The following IGSF3 variants were observed in gnomAD, a reference collection of about 807,000 sequenced individuals.
IGSF3 encodes the protein immunoglobulin superfamily member 3, also known as glu-Trp-Ile EWI motif-containing protein 3.
In IGSF3, 23 loss-of-function variants were observed where a neutral mutation model predicts 114.4. That is an observed-to-expected ratio of 0.20 (90% CI 0.14 to 0.28). The LOEUF is 0.28. Ranked by LOEUF, IGSF3 falls within the 10% of genes least tolerant of loss-of-function variation. The pLI is 1.00. For synonymous variants in IGSF3, 571 were observed against 645.2 expected (o/e 0.88, Z 1.74); for missense variants, 1,172 against 1,591.5 (o/e 0.74, Z 4.48).
At chr1:116,643,439 G>A (rs1223356705) in intron 2 of IGSF3, among the ~76,000 whole-genome samples, 17 of 152,332 alleles carry the variant, frequency 1.1e-4, no homozygotes, top group South Asian at 6.2e-4. Flanking sequence ...TCCGACAGTC[G>A]TTTGTGTCTG....
rs1660331017 is a variant in IGSF3 at position 116,596,129 on chromosome 1, C to T, written c.2029+3812G>A. Among the ~76,000 whole-genome samples, 1 of 152,188 alleles carries T rather than the reference C, an allele frequency of 6.6e-6. No individual in the cohort carries two copies. The highest frequency in any genetic ancestry group is 1.5e-5 in the Non-Finnish European group (1 of 68,036). On this transcript the variant is annotated intron_variant, in intron 7 of 10. Transcript: ENST00000369486. The surrounding 1 kb of genome is among the most constrained non-coding windows in gnomAD (Gnocchi z 4.1). The stretch of plus-strand genomic sequence containing the variant: ...AATACTGATATGGGGGCAGGATCAG[C>T]AGGTGGCTCCAGCAGGGACGAGTCT...
chr1:116,590,546 C>T (rs542962683), intron 7 of IGSF3, among the ~76,000 whole-genome samples: 2 of 152,306 alleles, frequency 1.3e-5, no homozygotes, highest in South Asian at 2.1e-4. Context: ...GGGACAGCAA[C>T]CTAGGCCTCC....
chr1:116,576,341 GAC>G lies in IGSF3; in HGVS notation c.*969_*970del, dbSNP rs1268238287. Reference sequence around the variant, plus strand: ...TTAAGAGTTTGGCAAAGCACCTGAAGACACAGGCCCACCTGCTCACAGTTAAT... The same window carrying G: ...TTAAGAGTTTGGCAAAGCACCTGAAGACAGGCCCACCTGCTCACAGTTAAT... On this transcript the variant is annotated 3_prime_UTR_variant, in exon 11 of 11. Coordinates refer to ENST00000369486, the MANE Select transcript of IGSF3 (RefSeq NM_001007237.3). This position sits in a 1 kb window ranked among gnomAD's most constrained non-coding sequence, Gnocchi z 4.6. 1 of 152,718 alleles carries G rather than the reference GAC, an allele frequency of 6.5e-6. No homozygotes were observed. Among genetic ancestry groups the G allele is most frequent in the African/African-American group, 2.4e-5 (1 of 41,432 alleles). The allele number at this position is 152,718 out of a possible 1,614,324, so 9.5% of individuals were successfully genotyped here. A position where few individuals can be genotyped will look rare whatever the true frequency, so the allele number is the denominator to read the frequency against.
intron 2 of IGSF3, among the ~76,000 whole-genome samples, chr1:116,663,248 A>G (rs1168055507): frequency 6.6e-6 from 1 of 152,180 alleles, no homozygotes; most frequent in African/African-American, 2.4e-5. Context: ...TCTTACAGAC[A>G]CAAATCCTAT....
In IGSF3 at chr1:116,636,332, C is replaced by T. The variant is rs4044760; in HGVS notation, c.44-19875G>A. 2.5e-3 allele frequency among the ~76,000 whole-genome samples: 387 copies of T among 152,288 alleles called. 2 individuals carry two copies. The highest frequency in any genetic ancestry group is 4.3e-3 in the Non-Finnish European group (293 of 68,024). On this transcript the variant is annotated intron_variant, in intron 2 of 10. Coordinates refer to ENST00000369486, the MANE Select transcript of IGSF3 (RefSeq NM_001007237.3). This position sits in a 1 kb window ranked among gnomAD's most constrained non-coding sequence, Gnocchi z 4.5. ...CCCCTTTTTGGCCTCAAGCACATCA[C>T]GAGGAAGGCTGGTGACAACCTTTCC...
At chr1:116,622,250 G>A (rs965111685) in intron 2 of IGSF3, among the ~76,000 whole-genome samples, 13 of 152,258 alleles carry the variant, frequency 8.5e-5, no homozygotes, top group African/African-American at 2.4e-4. Flanking sequence ...TAAGATGAAA[G>A]TAATACAACA....
chr1:116,586,221 A>T lies in IGSF3; in HGVS notation c.2441-1169T>A, dbSNP rs532330582. Among the ~76,000 whole-genome samples, 140 of 152,384 alleles carry T rather than the reference A, an allele frequency of 9.2e-4. 2 individuals are homozygous for T. The highest frequency in any genetic ancestry group is 3.3e-3 in the African/African-American group (136 of 41,592). On this transcript the variant is annotated intron_variant, in intron 8 of 10. Coordinates refer to ENST00000369486, the MANE Select transcript of IGSF3 (RefSeq NM_001007237.3). The stretch of plus-strand genomic sequence containing the variant: ...TACAACATTCATGATTACTTTTGTA[A>T]TTAAAAAGTCAGAAAATATAAAATA...
chr1:116,597,629 T>C (rs1204317502), intron 7 of IGSF3, among the ~76,000 whole-genome samples: 1 of 152,212 alleles, frequency 6.6e-6, no homozygotes, highest in Non-Finnish European at 1.5e-5. Flanking sequence ...CTGTTCATTC[T>C]CACTTTACAG....
rs1048261612 is a variant in IGSF3 at position 116,585,822 on chromosome 1, G to A, written c.2441-770C>T. On this transcript the variant is annotated intron_variant, in intron 8 of 10. Coordinates refer to ENST00000369486, the MANE Select transcript of IGSF3 (RefSeq NM_001007237.3). The surrounding 1 kb of genome is among the most constrained non-coding windows in gnomAD (Gnocchi z 4.9). Reference sequence around the variant, plus strand: ...CTGTAATCCCAGCTACTCGGGAGGTGAAGGTTGCAGTGAGCTAAGATCGTG... The same window carrying A: ...CTGTAATCCCAGCTACTCGGGAGGTAAAGGTTGCAGTGAGCTAAGATCGTG... 1.3e-5 allele frequency among the ~76,000 whole-genome samples: 2 copies of A among 152,154 alleles called. No individual in the cohort carries two copies. Among genetic ancestry groups the A allele is most frequent in the African/African-American group, 4.8e-5 (2 of 41,444 alleles).
At chr1:116,578,787 C>T (rs575739135) in intron 10 of IGSF3, among the ~76,000 whole-genome samples, 1 of 152,282 alleles carries the variant, frequency 6.6e-6, no homozygotes, top group African/African-American at 2.4e-5. Flanking sequence ...ATACTTCCCC[C>T]AGTCTCTGTT....
intron 2 of IGSF3, among the ~76,000 whole-genome samples, chr1:116,626,764 A>C (rs1244464718): frequency 6.6e-6 from 1 of 152,094 alleles, no homozygotes; most frequent in African/African-American, 2.4e-5. Context: ...CTCCCAGAAA[A>C]GGTAGGGATA....
Position 116,603,988 on chromosome 1 carries a change from G to A in IGSF3, c.1260C>T (p.Ser420=), listed in dbSNP as rs910215589. The change falls in exon 6 of 11, where the codon AGC becomes AGT. Residue 420 remains serine (S), a synonymous_variant. Coordinates refer to ENST00000369486, the MANE Select transcript of IGSF3 (RefSeq NM_001007237.3). This position sits in a 1 kb window ranked among gnomAD's most constrained non-coding sequence, Gnocchi z 7.1. ...SISVEVASNA[S]VILEGEDLRF... ...GCAGGTCCTCGCCCTCAAGGATGAC[G>A]CTGGCATTGCTGGCCACCTCCACGG... 36 of 1,610,514 alleles carry A rather than the reference G, an allele frequency of 2.2e-5. No individual in the cohort carries two copies. Among genetic ancestry groups the A allele is most frequent in the African/African-American group, 2.7e-5 (2 of 74,910 alleles).
rs1335974152 is a variant in IGSF3, at chr1:116,654,949, C to CA, written c.43+11334dup. ...TACAGATACCCCCTCTTCCTGGTGG[C>CA]ACCGGGCATTGGTAACTCATGGCTG... On this transcript the variant is annotated intron_variant, in intron 2 of 10. Transcript: ENST00000369486. This position sits in a 1 kb window ranked among gnomAD's most constrained non-coding sequence, Gnocchi z 4.4. 2.0e-5 allele frequency among the ~76,000 whole-genome samples: 3 copies of CA among 152,264 alleles called. No individual in the cohort carries two copies. In the East Asian group the frequency reaches 5.8e-4, roughly 29 times the overall value.
chr1:116,630,682 A>G (rs1336626616), intron 2 of IGSF3, among the ~76,000 whole-genome samples: 2 of 152,232 alleles, frequency 1.3e-5, no homozygotes, highest in South Asian at 2.1e-4. Flanking sequence ...GCAGAGATAG[A>G]TAAGTAAACA....
In IGSF3 at chr1:116,595,485, A is replaced by C. The variant is rs1660305456; in HGVS notation, c.2029+4456T>G. On this transcript the variant is annotated intron_variant, in intron 7 of 10. Transcript: ENST00000369486. The surrounding 1 kb of genome is among the most constrained non-coding windows in gnomAD (Gnocchi z 4.2). ...CATGCTCTGGACTCATGGAAGTCAA[A>C]GAAAAGCCCTCTGCTATCCCAATCT... 6.6e-6 allele frequency among the ~76,000 whole-genome samples: 1 copy of C among 152,202 alleles called. No individual in the cohort carries two copies. Among genetic ancestry groups the C allele is most frequent in the African/African-American group, 2.4e-5 (1 of 41,438 alleles).
In IGSF3 at chr1:116,649,215, G is replaced by A. The variant is rs890707575; in HGVS notation, c.43+17069C>T. Among the ~76,000 whole-genome samples, 18 of 152,328 alleles carry A rather than the reference G, an allele frequency of 1.2e-4. No homozygotes were observed. Among genetic ancestry groups the A allele is most frequent in the Admixed American group, 5.2e-4 (8 of 15,310 alleles). ...TTTCTGGCCCTAGCCCAAGGCTGCT[G>A]TGGCATGGAAGGAATCAATGGAGGA... On this transcript the variant is annotated intron_variant, in intron 2 of 10. Coordinates refer to ENST00000369486, the MANE Select transcript of IGSF3 (RefSeq NM_001007237.3). The surrounding 1 kb of genome is among the most constrained non-coding windows in gnomAD (Gnocchi z 4.5).
rs1649357542 is a variant in IGSF3, at chr1:116,666,947, G to T, written c.-621C>A. The T allele has an allele frequency of 5.0e-6, 2 of 401,794 alleles. No homozygotes were observed. The highest frequency in any genetic ancestry group is 7.1e-5 in the East Asian group (2 of 28,094). 24.9% of individuals were successfully genotyped at this position (401,794 alleles called of 1,614,324 possible). On this transcript the variant is annotated 5_prime_UTR_variant, in exon 2 of 11. Coordinates refer to ENST00000369486, the MANE Select transcript of IGSF3 (RefSeq NM_001007237.3). ...CAGCCCTGAAGCGGTACCCCAGCGC[G>T]AGCAGATTTCTAAAACAAACACAAC...
chr1:116,619,220 A>C lies in IGSF3; in HGVS notation c.44-2763T>G, dbSNP rs182583963. Among the ~76,000 whole-genome samples the C allele has an allele frequency of 2.2e-3, 340 of 152,320 alleles. 1 individual carries two copies. Among genetic ancestry groups the C allele is most frequent in the African/African-American group, 7.8e-3 (323 of 41,568 alleles). On this transcript the variant is annotated intron_variant, in intron 2 of 10. Coordinates refer to ENST00000369486, the MANE Select transcript of IGSF3 (RefSeq NM_001007237.3). ...CTCCTCCAGTCTTCCCCAGTGCAAAAGAAAACATCTGAGACCCATCAGATA... is the reference window on the plus strand; with the variant it reads ...CTCCTCCAGTCTTCCCCAGTGCAAACGAAAACATCTGAGACCCATCAGATA...
In IGSF3 at chr1:116,650,521, C is replaced by T. The variant is rs1648589910; in HGVS notation, c.43+15763G>A. ...ATGGGCTCAGCTCAATCAGCACGTA[C>T]CCTAGAGCTGGAGGCAGGGTCACCT... On this transcript the variant is annotated intron_variant, in intron 2 of 10. Coordinates refer to ENST00000369486, the MANE Select transcript of IGSF3 (RefSeq NM_001007237.3). This position sits in a 1 kb window ranked among gnomAD's most constrained non-coding sequence, Gnocchi z 5.0. Among the ~76,000 whole-genome samples, 1 of 152,194 alleles carries T rather than the reference C, an allele frequency of 6.6e-6. No homozygotes were observed. Among genetic ancestry groups the T allele is most frequent in the Non-Finnish European group, 1.5e-5 (1 of 68,030 alleles).
Sources: gnomAD v4.1 joint callset for allele counts (sites outside exome capture counted in the v4.1 genomes callset) on GRCh38, gnomAD v4.1.1 for gene constraint, Gnocchi (gnomAD v3.1) non-coding constraint, MANE v1.5 for transcripts, NCBI Gene and HGNC (gene_info 2026-07-23, HGNC 2026-07-21) for gene names.